Variants in IFT43 observed in about 807,000 individuals in gnomAD.
IFT43 encodes intraflagellar transport 43.
IFT43 carries 33 observed loss-of-function variants against 32.3 expected under a neutral mutation model. The observed-to-expected ratio is 1.02, with a 90% confidence interval of 0.77 to 1.37. The LOEUF (loss-of-function observed/expected upper bound fraction) is 1.37, where lower values mean the gene tolerates loss of function less well. IFT43 is among the 40% of genes most tolerant of loss of function. The pLI is 0.00. For synonymous variants in IFT43, 93 were observed against 98.2 expected (o/e 0.95, Z 0.31); for missense variants, 274 against 265.9 (o/e 1.03, Z -0.21).
chr14:76,049,728 A>ATT (rs2036877501), intron 3 of IFT43, among the ~76,000 whole-genome samples: 1 of 151,484 alleles, frequency 6.6e-6, no homozygotes, highest in Non-Finnish European at 1.5e-5. Context: ...AAGAATAAGA[A>ATT]CTTCCATTTA....
intron 3 of IFT43, among the ~76,000 whole-genome samples, chr14:76,023,003 TACCATA>T (rs530945922): frequency 6.6e-6 from 1 of 152,356 alleles, no homozygotes; most frequent in African/African-American, 2.4e-5. Flanking sequence ...TGAATATTTA[TACCATA>T]ACCATCTGAC....
chr14:76,039,079 G>A (rs1197314113), intron 3 of IFT43, among the ~76,000 whole-genome samples: 2 of 152,186 alleles, frequency 1.3e-5, no homozygotes, highest in East Asian at 3.9e-4. Context: ...GTCCAGCACA[G>A]GCACGCAGGT....
chr14:75,999,263 ATATATATATGTATATATATTTTTTTT>A (rs2035827595), intron 2 of IFT43, among the ~76,000 whole-genome samples: 1 of 24,578 alleles, frequency 4.1e-5, no homozygotes, highest in African/African-American at 2.6e-4. Flanking sequence ...ATATATATAT[ATATATATATGTATATATATTTTTTTT>A]TTTTTTTTTT....
chr14:76,083,698 C>T lies in IFT43; in HGVS notation c.*121C>T. 1 of 930,568 alleles carries T rather than the reference C, an allele frequency of 1.1e-6. No homozygotes were observed. The highest frequency in any genetic ancestry group is 1.4e-5 in the South Asian group (1 of 71,098). The allele number at this position is 930,568 out of a possible 1,614,324, so 57.6% of individuals were successfully genotyped here. ...AATAAAAATATTTATATTCAGTCAA[C>T]CACATTGGATAATTCAATTGCAATA... On this transcript the variant is annotated 3_prime_UTR_variant, in exon 9 of 9. Coordinates refer to ENST00000314067, the MANE Select transcript of IFT43 (RefSeq NM_001102564.3).
At chr14:76,003,345 G>A (rs1406898110) in intron 2 of IFT43, among the ~76,000 whole-genome samples, 8 of 151,994 alleles carry the variant, frequency 5.3e-5, no homozygotes, top group Non-Finnish European at 1.2e-4. Flanking sequence ...TACCATGGCC[G>A]GGTTTGGTGG....
intron 2 of IFT43, among the ~76,000 whole-genome samples, chr14:76,003,701 C>T (rs1276962685): frequency 6.6e-6 from 1 of 152,114 alleles, no homozygotes; most frequent in Non-Finnish European, 1.5e-5. Flanking sequence ...TTTGTCCCCC[C>T]AGTCCTTTGT....
intron 5 of IFT43, among the ~76,000 whole-genome samples, chr14:76,061,810 A>T (rs1004944071): frequency 7.9e-5 from 12 of 152,122 alleles, no homozygotes; most frequent in Non-Finnish European, 1.3e-4. Flanking sequence ...AGATTATGGC[A>T]TATTTGCATT....
chr14:75,986,320 G>T, intron 1 of IFT43: 1 of 1,230,300 alleles, frequency 8.1e-7, no homozygotes. Context: ...TAATCCCCGT[G>T]GGGAGGTGGG....
chr14:76,040,885 G>A (rs2036693574), intron 3 of IFT43, among the ~76,000 whole-genome samples: 1 of 152,214 alleles, frequency 6.6e-6, no homozygotes, highest in African/African-American at 2.4e-5. Flanking sequence ...AGATGAACTT[G>A]CTGCCTGTGC....
chr14:75,991,168 A>G (rs1252600200), intron 2 of IFT43, among the ~76,000 whole-genome samples: 1 of 151,838 alleles, frequency 6.6e-6, no homozygotes, highest in Non-Finnish European at 1.5e-5. Context: ...TGTCTTTGCA[A>G]AATATTTAAA....
chr14:76,057,569 G>A (rs1446887779), intron 3 of IFT43, among the ~76,000 whole-genome samples: 2 of 149,704 alleles, frequency 1.3e-5, no homozygotes, highest in African/African-American at 4.9e-5. Context: ...AAAAAAAAAT[G>A]AATGTAGAAT....
intron 3 of IFT43, among the ~76,000 whole-genome samples, chr14:76,038,635 A>G (rs780523655): frequency 3.3e-5 from 5 of 152,192 alleles, no homozygotes; most frequent in Non-Finnish European, 7.3e-5. Flanking sequence ...ATTGTTTATT[A>G]TAGGAAATCA....
intron 5 of IFT43, among the ~76,000 whole-genome samples, chr14:76,061,344 A>G (rs1050941520): frequency 2.0e-5 from 3 of 152,120 alleles, no homozygotes; most frequent in South Asian, 2.1e-4. Context: ...TGTTTATCCT[A>G]CTTGAACTTC....
In IFT43 at chr14:76,023,205, T is replaced by A. The variant is rs545337271; in HGVS notation, c.215+811T>A. 3.3e-5 allele frequency among the ~76,000 whole-genome samples: 5 copies of A among 152,354 alleles called. No individual in the cohort carries two copies. In the South Asian group the frequency reaches 1.0e-3, roughly 32 times the overall value. ...ATGGCTGAGCACCTGGATGGACACA[T>A]TGATGATCCCTACAGGGTGATTCAA... On this transcript the variant is annotated intron_variant, in intron 3 of 8. Coordinates refer to ENST00000314067, the MANE Select transcript of IFT43 (RefSeq NM_001102564.3).
At chr14:76,050,893 A>G (rs756651694) in intron 3 of IFT43, among the ~76,000 whole-genome samples, 6 of 152,142 alleles carry the variant, frequency 3.9e-5, no homozygotes, top group Admixed American at 1.3e-4. Context: ...ATATGTTCCC[A>G]TAACTGTAGC....
intron 3 of IFT43, among the ~76,000 whole-genome samples, chr14:76,051,536 A>G (rs1245742410): frequency 6.6e-6 from 1 of 152,042 alleles, no homozygotes; most frequent in Non-Finnish European, 1.5e-5. Flanking sequence ...CACATTTATA[A>G]AGTAGAGCCT....
chr14:76,069,020 G>A (rs2037273793), intron 5 of IFT43, among the ~76,000 whole-genome samples: 1 of 152,160 alleles, frequency 6.6e-6, no homozygotes, highest in South Asian at 2.1e-4. Flanking sequence ...ACTGGGTGCT[G>A]TGAGAGAAAT....
intron 1 of IFT43, 127 bp downstream of exon 1, chr14:75,985,967 A>G: frequency 6.5e-7 from 1 of 1,533,704 alleles, no homozygotes; most frequent in East Asian, 2.5e-5. Context: ...TGAGGCCCAG[A>G]AGGAGGCAGC....
Position 76,052,500 on chromosome 14 carries a change from G to T in IFT43, c.216-6142G>T, listed in dbSNP as rs980560161. On this transcript the variant is annotated intron_variant, in intron 3 of 8. Transcript: ENST00000314067. ...TAGTCCCACTCGATCATGATGGCCA[G>T]ATCAGGCCCCCTGATGCAGCAGGGA... 4.6e-5 allele frequency among the ~76,000 whole-genome samples: 7 copies of T among 152,200 alleles called. No homozygotes were observed. The South Asian group carries it at 6.2e-4, about 14-fold the overall frequency.
Sources: gnomAD v4.1 joint callset for allele counts (sites outside exome capture counted in the v4.1 genomes callset) on GRCh38, gnomAD v4.1.1 for gene constraint, MANE v1.5 for transcripts, NCBI Gene and HGNC (gene_info 2026-07-23, HGNC 2026-07-21) for gene names.